The following RALGAPA2 variants were observed in gnomAD, a reference collection of about 807,000 sequenced individuals.
RALGAPA2 encodes the protein ral GTPase-activating protein subunit alpha-2.
A neutral mutation model predicts 230.4 loss-of-function variants in RALGAPA2; 139 were observed. The observed-to-expected ratio is 0.60, with a 90% CI of 0.53 to 0.69. The LOEUF (loss-of-function observed/expected upper bound fraction) is 0.69. RALGAPA2 is among the 30% of genes least tolerant of loss of function. The pLI, the probability that RALGAPA2 is intolerant of heterozygous loss-of-function variation, is 0.00. For missense variants in RALGAPA2, 2,163 were observed against 2,276.0 expected (o/e 0.95, Z 1.01); for synonymous variants, 847 against 837.8 (o/e 1.01, Z -0.19).
chr20:20,396,730 T>C lies in RALGAPA2; in HGVS notation c.5622A>G (p.Ter1874=). 6.2e-7 allele frequency: 1 copy of C among 1,608,476 alleles called. No individual in the cohort carries two copies. The highest frequency in any genetic ancestry group is 8.5e-7 in the Non-Finnish European group (1 of 1,175,344). ...SPSYSLSGTD[*] ...TATTGAAATGAGACCTTTACGTGTT[T>C]TAATCTGAAGGGAAAGAACACAAAA... Residue 1874 remains the stop codon, a stop_retained_variant, in exon 39 of 40, where the codon TAA becomes TAG. Coordinates refer to ENST00000202677, the MANE Select transcript of RALGAPA2 (RefSeq NM_020343.4).
intron 27 of RALGAPA2, 74 bp downstream of exon 27, chr20:20,531,613 G>T: frequency 8.3e-7 from 1 of 1,206,138 alleles, no homozygotes; most frequent in Non-Finnish European, 1.2e-6. Context: ...AAAAGATGGG[G>T]CTAATTCAAA....
At position 20,662,836 on chromosome 20, in the gene RALGAPA2, AG is replaced by A. The variant is rs372560612; in HGVS notation, c.271-9250del. On this transcript the variant is annotated intron_variant, in intron 3 of 39. Transcript: ENST00000202677. The stretch of plus-strand genomic sequence containing the variant: ...GAAGACAGACAAGGTGCACTTCCAA[AG>A]GGAGAACACCCTTGAACTGAATCTT... 5.0e-3 allele frequency among the ~76,000 whole-genome samples: 760 copies of A among 152,314 alleles called. 5 individuals are homozygous for A. Among genetic ancestry groups the A allele is most frequent in the African/African-American group, 0.017 (724 of 41,574 alleles).
Position 20,571,951 on chromosome 20 carries a change from T to A in RALGAPA2, c.2902-5A>T, listed in dbSNP as rs373987929. ...TATTGCTAGATTATCCCGTATCTAA[T>A]TCACAAAGAGGAGAATTTTAGGGTA... On this transcript the variant is annotated splice_region_variant and splice_polypyrimidine_tract_variant and intron_variant, in intron 21 of 39. Transcript: ENST00000202677. The A allele has an allele frequency of 6.3e-7, 1 of 1,589,254 alleles. No individual in the cohort carries two copies. The highest frequency in any genetic ancestry group is 1.3e-5 in the African/African-American group (1 of 74,506).
chr20:20,678,325 G>A (rs1028904206), intron 2 of RALGAPA2, among the ~76,000 whole-genome samples: 33 of 151,980 alleles, frequency 2.2e-4, no homozygotes, highest in African/African-American at 7.3e-4. Context: ...TATTTTTATT[G>A]GTTCTTCACT....
intron 33 of RALGAPA2, among the ~76,000 whole-genome samples, chr20:20,510,413 T>C (rs2062668139): frequency 1.3e-5 from 2 of 152,106 alleles, no homozygotes; most frequent in Non-Finnish European, 2.9e-5. Context: ...AAGAAAAATG[T>C]AGTGAAAAAA....
intron 37 of RALGAPA2, among the ~76,000 whole-genome samples, chr20:20,466,484 T>C (rs144032670): frequency 1.3e-5 from 2 of 152,340 alleles, no homozygotes; most frequent in East Asian, 3.9e-4. Context: ...CCATCCTCTT[T>C]TAATACCTCT....
chr20:20,419,553 GA>G (rs953640961), intron 37 of RALGAPA2, among the ~76,000 whole-genome samples: 6 of 152,324 alleles, frequency 3.9e-5, no homozygotes, highest in African/African-American at 1.4e-4. Flanking sequence ...AACTCTGACA[GA>G]AGGGATTCAA....
chr20:20,616,999 G>A (rs1221472450), intron 12 of RALGAPA2, among the ~76,000 whole-genome samples: 1 of 152,096 alleles, frequency 6.6e-6, no homozygotes, highest in Non-Finnish European at 1.5e-5. Context: ...TTACTGCTTT[G>A]AGTCACTACA....
At chr20:20,465,053 T>A (rs927682035) in intron 37 of RALGAPA2, among the ~76,000 whole-genome samples, 15 of 152,064 alleles carry the variant, frequency 9.9e-5, no homozygotes, top group African/African-American at 3.4e-4. Context: ...TTTGAAAAAG[T>A]ATCATTTTAT....
chr20:20,443,983 T>A, intron 37 of RALGAPA2, among the ~76,000 whole-genome samples: 1 of 152,224 alleles, frequency 6.6e-6, no homozygotes, highest in East Asian at 1.9e-4. Flanking sequence ...TGGCTGCGCA[T>A]GAGAATCACC....
At chr20:20,511,916 C>A (rs1471040823) in intron 32 of RALGAPA2, among the ~76,000 whole-genome samples, 1 of 152,068 alleles carries the variant, frequency 6.6e-6, no homozygotes, top group Non-Finnish European at 1.5e-5. Context: ...CTCAGCCAGG[C>A]GCAGTTGCTC....
chr20:20,540,392 T>C (rs952983628), intron 24 of RALGAPA2, among the ~76,000 whole-genome samples: 6 of 152,260 alleles, frequency 3.9e-5, no homozygotes, highest in Admixed American at 1.3e-4. Context: ...CTCAGGCAGA[T>C]AGTTAAATGT....
chr20:20,701,842 C>A (rs2069382977), intron 1 of RALGAPA2, among the ~76,000 whole-genome samples: 1 of 151,562 alleles, frequency 6.6e-6, no homozygotes, highest in Non-Finnish European at 1.5e-5. Flanking sequence ...GAGTTCGAGA[C>A]CAGCCTGGCC....
chr20:20,579,557 C>G (rs2064922408), intron 20 of RALGAPA2, among the ~76,000 whole-genome samples: 2 of 152,146 alleles, frequency 1.3e-5, no homozygotes, highest in South Asian at 4.1e-4. Context: ...CCACAGAATT[C>G]TTAAAAGTTT....
At chr20:20,638,463 A>G (rs968363539) in intron 7 of RALGAPA2, among the ~76,000 whole-genome samples, 2 of 152,206 alleles carry the variant, frequency 1.3e-5, no homozygotes, top group African/African-American at 4.8e-5. Context: ...GACAGAAGAG[A>G]AGGCAGAAGG....
rs565256543 is a variant in RALGAPA2, at chr20:20,622,070, A to G, written c.1234-1440T>C. On this transcript the variant is annotated intron_variant, in intron 10 of 39. Transcript: ENST00000202677. ...AAAAGCCAAAGTAATGGGATTTAAA[A>G]ATGAAATAACTCAAAAACTCAGTGT... 1.3e-4 allele frequency among the ~76,000 whole-genome samples: 20 copies of G among 152,378 alleles called. No homozygotes were observed. In the South Asian group the frequency reaches 3.3e-3, roughly 25 times the overall value.
rs2145500938 is a variant in RALGAPA2, at chr20:20,526,253, T to A, written c.3692A>T (p.Glu1231Val). ...AGTATTACAGAAAAAAAGACTTACT[T>A]CTGCCATTTTCCGAGGCAGAGAGGT... ...FETSLPRKMA[E>V]ILVATVAFLL... Residue 1231 changes from glutamate to valine, a missense_variant and splice_region_variant, in exon 28 of 40, where the codon GAA becomes GTA. By Grantham distance (121) the Glu-to-Val change is moderately radical. Transcript: ENST00000202677. 6.4e-7 allele frequency: 1 copy of A among 1,572,672 alleles called. No homozygotes were observed. Among genetic ancestry groups the A allele is most frequent in the East Asian group, 2.2e-5 (1 of 44,616 alleles).
chr20:20,555,837 GATCAT>G (rs2064068409), intron 23 of RALGAPA2, among the ~76,000 whole-genome samples: 1 of 152,074 alleles, frequency 6.6e-6, no homozygotes, highest in African/African-American at 2.4e-5. Flanking sequence ...CCAAATACAA[GATCAT>G]ATATTTGTCA....
intron 37 of RALGAPA2, among the ~76,000 whole-genome samples, chr20:20,463,729 C>T (rs902229239): frequency 6.6e-6 from 1 of 152,138 alleles, no homozygotes; most frequent in African/African-American, 2.4e-5. Context: ...CCCAAAGTAA[C>T]CATCTGAATG....
Sources: gnomAD v4.1 joint callset for allele counts (sites outside exome capture counted in the v4.1 genomes callset) on GRCh38, gnomAD v4.1.1 for gene constraint, MANE v1.5 for transcripts, NCBI Gene and HGNC (gene_info 2026-07-23, HGNC 2026-07-21) for gene names.